Variants in NRXN3 observed in about 807,000 individuals in gnomAD.
NRXN3 encodes neurexin III.
A neutral mutation model predicts 137.6 loss-of-function variants in NRXN3; 32 were observed. That is an observed-to-expected ratio of 0.23 (90% confidence interval 0.18 to 0.31). The LOEUF (loss-of-function observed/expected upper bound fraction) is 0.31. Ranked by LOEUF, NRXN3 falls within the 10% of genes least tolerant of loss-of-function variation. The probability of loss-of-function intolerance (pLI) is 1.00; values close to 1 mark genes in which losing one functional copy is unlikely to be tolerated. For missense variants in NRXN3, 1,574 were observed against 2,062.5 expected (o/e 0.76, Z 4.59); for synonymous variants, 798 against 784.5 (o/e 1.02, Z -0.29).
At chr14:79,612,782 G>T (rs1448642478) in intron 16 of NRXN3, among the ~76,000 whole-genome samples, 1 of 152,082 alleles carries the variant, frequency 6.6e-6, no homozygotes, top group Non-Finnish European at 1.5e-5. Flanking sequence ...GGAGTTCAAG[G>T]CTGCAGTGAA....
At chr14:78,890,132 G>A (rs962110184) in intron 10 of NRXN3, among the ~76,000 whole-genome samples, 1 of 151,920 alleles carries the variant, frequency 6.6e-6, no homozygotes, top group Admixed American at 6.6e-5. Context: ...TTAAAACTGA[G>A]AGAGAAAAAA....
intron 4 of NRXN3, among the ~76,000 whole-genome samples, chr14:78,455,696 C>G (rs916939963): frequency 6.6e-6 from 1 of 152,050 alleles, no homozygotes; most frequent in South Asian, 2.1e-4. Flanking sequence ...GTACTGCTGC[C>G]CCATTCTACA....
intron 16 of NRXN3, among the ~76,000 whole-genome samples, chr14:79,610,906 C>T (rs2098090268): frequency 6.6e-6 from 1 of 152,144 alleles, no homozygotes; most frequent in African/African-American, 2.4e-5. Context: ...GCTGTCAATG[C>T]CTGAAAATAG....
At chr14:78,985,804 C>A (rs1322799064) in intron 14 of NRXN3, among the ~76,000 whole-genome samples, 1 of 152,170 alleles carries the variant, frequency 6.6e-6, no homozygotes, top group Non-Finnish European at 1.5e-5. Flanking sequence ...TTGAAAGAAG[C>A]TGTCCTGATT....
In NRXN3 at chr14:79,663,348, C is replaced by T. The variant is rs111755921; in HGVS notation, c.3445-430C>T. Among the ~76,000 whole-genome samples, 17 of 152,074 alleles carry T rather than the reference C, an allele frequency of 1.1e-4. 1 individual carries two copies. The highest frequency in any genetic ancestry group is 3.9e-4 in the East Asian group (2 of 5,140). On this transcript the variant is annotated intron_variant, in intron 16 of 20. Coordinates refer to ENST00000335750, the MANE Select transcript of NRXN3 (RefSeq NM_001330195.2). Reference sequence around the variant, plus strand: ...CTGTACACCTCTGCTTTGCCTTGATCGCATGAAAATATGCTGAGAAGCTCA... The same window carrying T: ...CTGTACACCTCTGCTTTGCCTTGATTGCATGAAAATATGCTGAGAAGCTCA...
At chr14:79,445,853 C>A (rs1325850453) in intron 15 of NRXN3, among the ~76,000 whole-genome samples, 1 of 152,146 alleles carries the variant, frequency 6.6e-6, no homozygotes, top group East Asian at 1.9e-4. Context: ...TAAAGAGTTT[C>A]ATTTCATTCT....
intron 16 of NRXN3, among the ~76,000 whole-genome samples, chr14:79,543,457 T>G (rs1392900226): frequency 1.3e-5 from 2 of 152,034 alleles, no homozygotes; most frequent in African/African-American, 4.8e-5. Flanking sequence ...GACAGAGAGA[T>G]GGATGTGTTA....
At chr14:79,345,550 A>C (rs1480398393) in intron 15 of NRXN3, among the ~76,000 whole-genome samples, 1 of 152,074 alleles carries the variant, frequency 6.6e-6, no homozygotes, top group Non-Finnish European at 1.5e-5. Flanking sequence ...TCCTCTCCAA[A>C]TCTCATGTTG....
intron 15 of NRXN3, among the ~76,000 whole-genome samples, chr14:79,084,041 C>G (rs1419525215): frequency 2.0e-5 from 3 of 152,126 alleles, no homozygotes; most frequent in African/African-American, 7.2e-5. Context: ...TCCTGAGTAG[C>G]TGAGACTACA....
At chr14:78,694,026 C>G (rs555440902) in intron 6 of NRXN3, among the ~76,000 whole-genome samples, 2 of 152,078 alleles carry the variant, frequency 1.3e-5, no homozygotes, top group South Asian at 4.2e-4. Context: ...CAAAACCTGG[C>G]TAATGCCACT....
intron 6 of NRXN3, among the ~76,000 whole-genome samples, chr14:78,665,551 G>T (rs1299612120): frequency 9.9e-5 from 15 of 152,076 alleles, no homozygotes. Flanking sequence ...ACTTGGGTGG[G>T]GACACAGCCA....
intron 19 of NRXN3, among the ~76,000 whole-genome samples, chr14:79,700,980 C>A (rs188042335): frequency 1.7e-4 from 26 of 152,036 alleles, no homozygotes; most frequent in African/African-American, 5.8e-4. Flanking sequence ...AAAGGCCTGG[C>A]ACTTCATAGG....
chr14:79,146,871 C>G (rs1321276065), intron 15 of NRXN3, among the ~76,000 whole-genome samples: 1 of 152,164 alleles, frequency 6.6e-6, no homozygotes, highest in Non-Finnish European at 1.5e-5. Flanking sequence ...TCCCCCTACT[C>G]TTAACTGAAT....
In NRXN3 at chr14:79,441,366, C is replaced by CTTTTTTTTT. The variant is rs869170695; in HGVS notation, c.3263-25832_3263-25824dup. On this transcript the variant is annotated intron_variant, in intron 15 of 20. Coordinates refer to ENST00000335750, the MANE Select transcript of NRXN3 (RefSeq NM_001330195.2). Reference sequence around the variant, plus strand: ...GAATATCCCTGGACAAACAGAAAATCTTTTTTTTTTTTTTTTTTTTTTTTT... The same window carrying CTTTTTTTTT: ...GAATATCCCTGGACAAACAGAAAATCTTTTTTTTTTTTTTTTTTTTTTTTTTTTTTTTTT... 9.4e-4 allele frequency among the ~76,000 whole-genome samples: 63 copies of CTTTTTTTTT among 67,252 alleles called. 11 individuals are homozygous for CTTTTTTTTT. The East Asian group carries it at 0.018, about 19-fold the overall frequency. The allele number at this position is 67,252 out of a possible 152,430, so 44.1% of individuals were successfully genotyped here.
At chr14:78,445,947 G>T (rs538900118) in intron 4 of NRXN3, among the ~76,000 whole-genome samples, 6 of 152,266 alleles carry the variant, frequency 3.9e-5, no homozygotes, top group Admixed American at 3.9e-4. Context: ...GCTTGTGGGA[G>T]AGTGGGGGTA....
intron 8 of NRXN3, among the ~76,000 whole-genome samples, chr14:78,724,323 A>G (rs943490080): frequency 1.3e-5 from 2 of 152,246 alleles, no homozygotes; most frequent in African/African-American, 4.8e-5. Context: ...AGGACTGTTA[A>G]GAGGAAAAAG....
At chr14:79,030,019 TTTC>T (rs1429356133) in intron 15 of NRXN3, among the ~76,000 whole-genome samples, 2 of 149,096 alleles carry the variant, frequency 1.3e-5, no homozygotes, top group Non-Finnish European at 2.9e-5. Flanking sequence ...TCTAATTTTT[TTTC>T]TTCTTTTTTT....
At chr14:78,628,286 G>A (rs906577400) in intron 4 of NRXN3, among the ~76,000 whole-genome samples, 3 of 152,040 alleles carry the variant, frequency 2.0e-5, no homozygotes, top group African/African-American at 7.2e-5. Context: ...GCCCAGGCTG[G>A]TCTGGAACTC....
intron 8 of NRXN3, among the ~76,000 whole-genome samples, chr14:78,715,764 T>C (rs551870759): frequency 1.3e-4 from 20 of 152,236 alleles, no homozygotes; most frequent in Admixed American, 8.5e-4. Flanking sequence ...ATTTGTAAAA[T>C]AGAAATCAGG....
Sources: allele counts gnomAD v4.1 joint callset (sites outside exome capture counted in the v4.1 genomes callset), GRCh38; gene constraint gnomAD v4.1.1; transcripts MANE v1.5; gene names NCBI Gene and HGNC (gene_info 2026-07-23, HGNC 2026-07-21).